Variants in PIK3AP1 observed in about 807,000 individuals in gnomAD.
PIK3AP1 encodes phosphoinositide-3-kinase adaptor protein 1.
In PIK3AP1, 21 loss-of-function variants were observed where a neutral mutation model predicts 88.1. The ratio of observed to expected loss-of-function variants is 0.24; its 90% CI spans 0.17 to 0.34. PIK3AP1 has a LOEUF of 0.34. Among genes scored for constraint, PIK3AP1 ranks in the 10% least tolerant of loss-of-function variants. PIK3AP1 has a pLI of 1.00. For synonymous variants in PIK3AP1, 398 were observed against 400.0 expected (o/e 1.00, Z 0.06); for missense variants, 828 against 1,035.7 (o/e 0.80, Z 2.75).
At chr10:96,662,413 C>T (rs1178878130) in intron 2 of PIK3AP1, among the ~76,000 whole-genome samples, 5 of 150,670 alleles carry the variant, frequency 3.3e-5, no homozygotes, top group African/African-American at 4.9e-5. Flanking sequence ...ATCAGCCTGG[C>T]CAACATGGTG....
At chr10:96,604,195 C>CT in intron 14 of PIK3AP1, 146 bp from the exon 15 acceptor site, 1 of 677,208 alleles carries the variant, frequency 1.5e-6, no homozygotes, top group Admixed American at 3.2e-5. Context: ...CCATCTTATA[C>CT]TTTTTGTTTT....
chr10:96,675,189 G>A (rs1033294748), intron 2 of PIK3AP1, among the ~76,000 whole-genome samples: 5 of 144,246 alleles, frequency 3.5e-5, no homozygotes, highest in East Asian at 4.7e-4. Context: ...CACTGCACCC[G>A]GCCATATAAG....
intron 15 of PIK3AP1, 80 bp from the exon 16 acceptor site, chr10:96,602,478 C>T: frequency 8.1e-7 from 1 of 1,234,358 alleles, no homozygotes; most frequent in South Asian, 1.2e-5. Flanking sequence ...ACTCAAAAGC[C>T]CCTTGGTCCT....
intron 2 of PIK3AP1, among the ~76,000 whole-genome samples, chr10:96,704,944 T>C (rs1366527861): frequency 6.6e-6 from 1 of 152,162 alleles, no homozygotes; most frequent in Non-Finnish European, 1.5e-5. Flanking sequence ...CCCACTCCAC[T>C]CTCTTTGATC....
intron 2 of PIK3AP1, among the ~76,000 whole-genome samples, chr10:96,691,343 G>A (rs948494911): frequency 6.6e-6 from 1 of 152,186 alleles, no homozygotes; most frequent in African/African-American, 2.4e-5. Context: ...GGAAACTCAA[G>A]ATGCACCTTA....
intron 8 of PIK3AP1, among the ~76,000 whole-genome samples, chr10:96,638,280 C>T (rs116929480): frequency 0.011 from 1,713 of 152,236 alleles, 13 homozygotes; most frequent in Middle Eastern, 0.017. Flanking sequence ...CCTGCTCTTG[C>T]CCTTTTGCCA....
At position 96,686,917 on chromosome 10, in the gene PIK3AP1, C is replaced by A. The variant is rs910249969; in HGVS notation, c.430+22650G>T. On this transcript the variant is annotated intron_variant, in intron 2 of 16. Coordinates refer to ENST00000339364, the MANE Select transcript of PIK3AP1 (RefSeq NM_152309.3). Reference sequence around the variant, plus strand: ...GGAGGTGGGTGTGCCCAGGCCGTGCCTTTGAAAGCCACTGCCTTGAACGCT... The same window carrying A: ...GGAGGTGGGTGTGCCCAGGCCGTGCATTTGAAAGCCACTGCCTTGAACGCT... Among the ~76,000 whole-genome samples the A allele has an allele frequency of 3.3e-5, 5 of 152,188 alleles. 1 individual carries two copies. The highest frequency in any genetic ancestry group is 7.3e-5 in the Non-Finnish European group (5 of 68,030).
intron 2 of PIK3AP1, among the ~76,000 whole-genome samples, chr10:96,705,387 C>T (rs1392233581): frequency 6.6e-6 from 1 of 152,156 alleles, no homozygotes; most frequent in Admixed American, 6.5e-5. Flanking sequence ...GCAGTATCTA[C>T]TCTCTTACTC....
At chr10:96,653,421 C>A (rs867961056) in intron 3 of PIK3AP1, among the ~76,000 whole-genome samples, 19 of 124,980 alleles carry the variant, frequency 1.5e-4, no homozygotes, top group South Asian at 2.6e-4. Flanking sequence ...AAAAAAAAAA[C>A]ACACACACAC....
chr10:96,665,817 A>G (rs891999430), intron 2 of PIK3AP1, among the ~76,000 whole-genome samples: 1 of 152,280 alleles, frequency 6.6e-6, no homozygotes. Context: ...CCAACTGAAC[A>G]CAAGGAGATT....
intron 2 of PIK3AP1, among the ~76,000 whole-genome samples, chr10:96,685,352 T>C (rs1423085917): frequency 3.3e-5 from 5 of 152,088 alleles, no homozygotes; most frequent in African/African-American, 1.2e-4. Flanking sequence ...ATTGTTCAGG[T>C]CCACAAAGCT....
At chr10:96,709,131 C>CAAAAA (rs113424134) in intron 2 of PIK3AP1, among the ~76,000 whole-genome samples, 1 of 79,628 alleles carries the variant, frequency 1.3e-5, no homozygotes, top group Non-Finnish European at 2.4e-5. Flanking sequence ...GACTCCGACT[C>CAAAAA]AAAAAAAAAA....
intron 16 of PIK3AP1, among the ~76,000 whole-genome samples, chr10:96,598,623 C>A: frequency 6.6e-6 from 1 of 152,232 alleles, no homozygotes; most frequent in East Asian, 1.9e-4. Context: ...CACATCTACA[C>A]AAGGGTCGCA....
At chr10:96,642,416 ATGT>A (rs1843401260) in intron 8 of PIK3AP1, among the ~76,000 whole-genome samples, 7 of 98,892 alleles carry the variant, frequency 7.1e-5, no homozygotes. Context: ...ATAGAGCCAG[ATGT>A]TGTCTCAAAA....
chr10:96,645,555 C>A lies in PIK3AP1; in HGVS notation c.1293G>T (p.Met431Ile). The change falls in exon 8 of 17, where the codon ATG becomes ATT. Residue 431 changes from methionine to isoleucine, a missense_variant. Around this residue, in one of 3 missense-constraint regions of PIK3AP1, gnomAD observed 610 missense variants for 760.1 expected, o/e 0.80. Transcript: ENST00000339364. ...SMAHLSTDLL[M>I]KCSLNPGCDE... ...CACAGCCGGGGTTGAGCGAGCATTT[C>A]ATAAGCAGGTCTGTGGAAAGGTGGG... The A allele has an allele frequency of 6.2e-7, 1 of 1,614,064 alleles. No individual in the cohort carries two copies. The highest frequency in any genetic ancestry group is 8.5e-7 in the Non-Finnish European group (1 of 1,179,990).
At chr10:96,716,055 C>T (rs747924525) in intron 1 of PIK3AP1, among the ~76,000 whole-genome samples, 24 of 152,174 alleles carry the variant, frequency 1.6e-4, no homozygotes, top group Non-Finnish European at 2.5e-4. Context: ...CCAATGCAGG[C>T]GGATCACTTG....
intron 16 of PIK3AP1, among the ~76,000 whole-genome samples, chr10:96,599,867 T>A (rs955267328): frequency 1.3e-5 from 2 of 152,190 alleles, no homozygotes; most frequent in Non-Finnish European, 2.9e-5. Context: ...TATCACAACT[T>A]GCTTCCAGAC....
rs143976553 is a variant in PIK3AP1, at chr10:96,709,779, G to A, written c.218C>T (p.Ala73Val). 4 of 1,613,544 alleles carry A rather than the reference G, an allele frequency of 2.5e-6. No homozygotes were observed. Among genetic ancestry groups the A allele is most frequent in the East Asian group, 2.2e-5 (1 of 44,866 alleles). ...STRCVVVLLSAELVQHFHKPA... is the reference protein window; with the variant it reads ...STRCVVVLLSVELVQHFHKPA... The stretch of plus-strand genomic sequence containing the variant: ...CTTGTGGAAGTGCTGCACCAGCTCC[G>A]CGGACAGCAGCACCACGACACAGCG... Residue 73 changes from alanine (A) to valine (V), a missense_variant, in exon 2 of 17, where the codon GCG becomes GTG. By Grantham distance (64) the Ala-to-Val change is moderately conservative. This residue lies in a region of PIK3AP1 where 610 missense variants were observed against 760.1 expected (regional missense o/e 0.80). Transcript: ENST00000339364.
At chr10:96,642,444 CAGAA>C (rs1843403650) in intron 8 of PIK3AP1, among the ~76,000 whole-genome samples, 3 of 42,848 alleles carry the variant, frequency 7.0e-5, no homozygotes, top group Non-Finnish European at 1.1e-4. Flanking sequence ...AAAAAAAAAA[CAGAA>C]AGAAAGAAAG....
Sources: allele counts gnomAD v4.1 joint callset (sites outside exome capture counted in the v4.1 genomes callset), GRCh38; gene constraint gnomAD v4.1.1; regional missense constraint gnomAD v4.1.1; transcripts MANE v1.5; gene names NCBI Gene and HGNC (gene_info 2026-07-23, HGNC 2026-07-21).